PEX1: variants seen among roughly 807,000 people sequenced by gnomAD.
The protein encoded by PEX1 is peroxisomal biogenesis factor 1.
Under a neutral mutation model 152.5 loss-of-function variants are expected in PEX1, and 97 were observed. That is an observed-to-expected ratio of 0.64 (90% CI 0.54 to 0.75). The LOEUF is 0.75. PEX1 is among the 30% of genes least tolerant of loss of function. The pLI, the probability that PEX1 is intolerant of heterozygous loss-of-function variation, is 0.00. For missense variants in PEX1, 1,357 were observed against 1,516.3 expected (o/e 0.89, Z 1.74); for synonymous variants, 485 against 531.6 (o/e 0.91, Z 1.21).
chr7:92,501,091 TATC>T lies in PEX1; in HGVS notation c.2583+413_2583+415del, dbSNP rs1008137509. Among the ~76,000 whole-genome samples the T allele has an allele frequency of 7.5e-3, 1,119 of 149,662 alleles. 16 individuals carry two copies. Among genetic ancestry groups the T allele is most frequent in the African/African-American group, 0.026 (1,063 of 40,760 alleles). The stretch of plus-strand genomic sequence containing the variant: ...CCTCAGCTTTCCATTATAAGTTTCT[TATC>T]ATCAAAGACTGCATCATACACATTA... On this transcript the variant is annotated intron_variant, in intron 15 of 23. Coordinates refer to ENST00000248633, the MANE Select transcript of PEX1 (RefSeq NM_000466.3).
At chr7:92,499,585 G>C in intron 16 of PEX1, 119 bp downstream of exon 16, 1 of 817,738 alleles carries the variant, frequency 1.2e-6, no homozygotes, top group South Asian at 1.5e-5. Context: ...TTAGAGAGAG[G>C]TGGTGGTTGC....
chr7:92,510,797 T>C, intron 8 of PEX1, 147 bp downstream of exon 8: 1 of 555,314 alleles, frequency 1.8e-6, no homozygotes, highest in South Asian at 2.4e-5. Context: ...GATTACAGAA[T>C]AAAATATTTT....
chr7:92,493,220 A>C, intron 19 of PEX1, 91 bp from the exon 20 acceptor site: 1 of 737,700 alleles, frequency 1.4e-6, no homozygotes, highest in Non-Finnish European at 2.2e-6. Context: ...TCATAAATTA[A>C]CCTTATATAT....
intron 8 of PEX1, among the ~76,000 whole-genome samples, chr7:92,509,766 C>T (rs1041395834): frequency 1.3e-5 from 2 of 152,044 alleles, no homozygotes; most frequent in African/African-American, 4.8e-5. Context: ...TGTCTAGTTC[C>T]AAAACAATGA....
At chr7:92,502,951 T>G in intron 13 of PEX1, 90 bp downstream of exon 13, 1 of 1,118,206 alleles carries the variant, frequency 8.9e-7, no homozygotes, top group South Asian at 1.3e-5. Context: ...AAGAGAAGCA[T>G]AAATTTAAAG....
At position 92,493,159 on chromosome 7, in the gene PEX1, A is replaced by G; in HGVS notation, c.3031-30T>C. 3 of 1,250,198 alleles carry G rather than the reference A, an allele frequency of 2.4e-6. No individual in the cohort carries two copies. In the East Asian group the frequency reaches 7.7e-5, roughly 32 times the overall value. 77.4% of individuals were successfully genotyped at this position (1,250,198 alleles called of 1,614,324 possible). On this transcript the variant is annotated intron_variant, in intron 19 of 23. Transcript: ENST00000248633. Reference sequence around the variant, plus strand: ...AAGGAGAAAAATTTATTTAACAAATAAAAAATAAAATTAAAAATATTATCT... The same window carrying G: ...AAGGAGAAAAATTTATTTAACAAATGAAAAATAAAATTAAAAATATTATCT...
At chr7:92,516,584 A>C (rs1169670016) in intron 5 of PEX1, among the ~76,000 whole-genome samples, 3 of 152,176 alleles carry the variant, frequency 2.0e-5, no homozygotes, top group Non-Finnish European at 4.4e-5. Context: ...TTTCCTAACA[A>C]GTTCCTCTCT....
rs562360075 is a variant in PEX1 at position 92,515,503 on chromosome 7, C to T, written c.1240-1536G>A. ...TCAACCTTCAGTGGAGTGGGAAGGGCGGAGTCCTTATTGCTATCTTAATCA... is the reference window on the plus strand; with the variant it reads ...TCAACCTTCAGTGGAGTGGGAAGGGTGGAGTCCTTATTGCTATCTTAATCA... On this transcript the variant is annotated intron_variant, in intron 5 of 23. Coordinates refer to ENST00000248633, the MANE Select transcript of PEX1 (RefSeq NM_000466.3). Among the ~76,000 whole-genome samples the T allele has an allele frequency of 3.3e-5, 5 of 152,242 alleles. No homozygotes were observed. In the South Asian group the frequency reaches 8.3e-4, roughly 25 times the overall value.
Position 92,528,333 on chromosome 7 carries a change from G to A in PEX1, c.103C>T (p.Leu35Phe). 1.3e-6 allele frequency: 2 copies of A among 1,567,530 alleles called. No homozygotes were observed. The highest frequency in any genetic ancestry group is 1.7e-6 in the Non-Finnish European group (2 of 1,158,258). The part of the protein sequence containing the change: ...RDCFLHLPRR[L>F]VAQLHLLQNQ... Reference sequence around the variant, plus strand: ...TGCAGCAGATGCAGCTGGGCCACGAGACGCCGCGGCAGGTGGAGGAAGCAG... The same window carrying A: ...TGCAGCAGATGCAGCTGGGCCACGAAACGCCGCGGCAGGTGGAGGAAGCAG... The change falls in exon 1 of 24, where the codon CTC (leucine) becomes TTC (phenylalanine). Residue 35 changes from leucine to phenylalanine, a missense_variant. Physicochemically the swap from Leu to Phe is conservative, Grantham distance 22. Coordinates refer to ENST00000248633, the MANE Select transcript of PEX1 (RefSeq NM_000466.3).
chr7:92,504,696 A>T (rs199853445), intron 12 of PEX1, 36 bp downstream of exon 12: 3 of 1,603,760 alleles, frequency 1.9e-6, no homozygotes, highest in Admixed American at 1.7e-5. Context: ...GACTGACAAA[A>T]GAACAAGACC....
intron 5 of PEX1, 61 bp downstream of exon 5, chr7:92,517,215 C>A: frequency 8.1e-7 from 1 of 1,230,122 alleles, no homozygotes; most frequent in South Asian, 1.2e-5. Flanking sequence ...TATTCTAATT[C>A]ATAATTTGGG....
rs371622709 is a variant in PEX1, at chr7:92,489,765, T to C, written c.3585A>G (p.Gln1195=). 8.1e-6 allele frequency: 13 copies of C among 1,614,168 alleles called. No homozygotes were observed. Among genetic ancestry groups the C allele is most frequent in the Non-Finnish European group, 1.0e-5 (12 of 1,180,016 alleles). Residue 1195 remains glutamine (Q), a synonymous_variant, in exon 22 of 24, where the codon CAA becomes CAG. Coordinates refer to ENST00000248633, the MANE Select transcript of PEX1 (RefSeq NM_000466.3). ...CQELTQEQRD[Q]LRADISIIKG... is the part of the protein sequence containing the mutation. ...TGATAATACTGATATCTGCCCTCAG[T>C]TGATCTCTTTGTTCTTGTGTAAGTT...
At chr7:92,487,588 C>A (rs1204500876) in intron 23 of PEX1, 47 bp from the exon 24 acceptor site, 12 of 819,732 alleles carry the variant, frequency 1.5e-5, no homozygotes, top group Admixed American at 4.1e-5. Flanking sequence ...ACTACCATTA[C>A]AAAACAAAAG....
rs754133067 is a variant in PEX1, at chr7:92,501,876, A to C, written c.2416+14T>G. On this transcript the variant is annotated intron_variant, in intron 14 of 23. Coordinates refer to ENST00000248633, the MANE Select transcript of PEX1 (RefSeq NM_000466.3). ...AAGAAGATTCCAAGTTCAGGTTTTA[A>C]TAGTAAAACATACTTTCTCTGGTGG... 1 of 1,603,242 alleles carries C rather than the reference A, an allele frequency of 6.2e-7. No homozygotes were observed. Among genetic ancestry groups the C allele is most frequent in the South Asian group, 1.1e-5 (1 of 90,766 alleles).
intron 22 of PEX1, 113 bp downstream of exon 22, chr7:92,489,601 T>C (rs914632767): frequency 2.8e-6 from 3 of 1,064,938 alleles, no homozygotes; most frequent in Non-Finnish European, 4.3e-6. Context: ...TAATGTGTTC[T>C]GGTCCCTTGT....
chr7:92,495,761 G>A (rs1160965161), intron 17 of PEX1, among the ~76,000 whole-genome samples: 1 of 151,986 alleles, frequency 6.6e-6, no homozygotes, highest in Non-Finnish European at 1.5e-5. Flanking sequence ...TCTTGGCTTT[G>A]TGAGCTTCTC....
intron 8 of PEX1, among the ~76,000 whole-genome samples, chr7:92,509,615 T>G (rs1792360553): frequency 6.6e-6 from 1 of 152,220 alleles, no homozygotes; most frequent in Non-Finnish European, 1.5e-5. Context: ...GCAGAAAGAA[T>G]GTTATTGCCT....
At chr7:92,499,946 G>GTGATT in intron 15 of PEX1, 108 bp from the exon 16 acceptor site, 1 of 815,842 alleles carries the variant, frequency 1.2e-6, no homozygotes. Context: ...TGGTAATCAC[G>GTGATT]ACCATCTTTC....
intron 23 of PEX1, 93 bp from the exon 24 acceptor site, chr7:92,487,634 G>A: frequency 1.8e-6 from 1 of 551,430 alleles, no homozygotes. Context: ...TATATTTTAA[G>A]AAATGAACGG....
Sources: gnomAD v4.1 joint callset for allele counts (sites outside exome capture counted in the v4.1 genomes callset) on GRCh38, gnomAD v4.1.1 for gene constraint, MANE v1.5 for transcripts, NCBI Gene and HGNC (gene_info 2026-07-23, HGNC 2026-07-21) for gene names.